The following TAFA1 variants were observed in gnomAD, a reference collection of about 807,000 sequenced individuals.
The protein encoded by TAFA1 is TAFA chemokine like family member 1.
In TAFA1, 4 loss-of-function variants were observed where a neutral mutation model predicts 18.5. The observed-to-expected ratio is 0.22, with a 90% CI of 0.11 to 0.49. The LOEUF (loss-of-function observed/expected upper bound fraction) is 0.49, where lower values mean the gene tolerates loss of function less well. Among genes scored for constraint, TAFA1 ranks in the 20% least tolerant of loss-of-function variants. TAFA1 has a pLI of 0.98. For synonymous variants in TAFA1, 56 were observed against 55.2 expected (o/e 1.01, Z -0.06); for missense variants, 147 against 169.0 (o/e 0.87, Z 0.72).
At chr3:68,441,321 A>G (rs968670215) in intron 3 of TAFA1, among the ~76,000 whole-genome samples, 2 of 152,136 alleles carry the variant, frequency 1.3e-5, no homozygotes, top group Admixed American at 6.6e-5. Context: ...TTGAGGTGTC[A>G]GTGGCAGATA....
chr3:68,271,330 G>A (rs1033359309), intron 2 of TAFA1, among the ~76,000 whole-genome samples: 2 of 151,958 alleles, frequency 1.3e-5, no homozygotes, highest in African/African-American at 2.4e-5. Flanking sequence ...CATTTCACAG[G>A]CCTGGCTTTG....
intron 3 of TAFA1, among the ~76,000 whole-genome samples, chr3:68,458,699 A>G (rs2071712770): frequency 6.6e-6 from 1 of 152,230 alleles, no homozygotes; most frequent in African/African-American, 2.4e-5. Flanking sequence ...TGTCTTATGT[A>G]CAAACATTCC....
At chr3:68,368,923 G>C (rs922857442) in intron 2 of TAFA1, among the ~76,000 whole-genome samples, 1 of 152,140 alleles carries the variant, frequency 6.6e-6, no homozygotes. Context: ...TTGATAGTAG[G>C]TTCTGGACTA....
chr3:68,383,788 G>C (rs993013125), intron 2 of TAFA1, among the ~76,000 whole-genome samples: 2 of 152,048 alleles, frequency 1.3e-5, no homozygotes, highest in African/African-American at 2.4e-5. Context: ...GTAGTATTCA[G>C]CTGTGAAACC....
rs149154938 is a variant in TAFA1, at chr3:68,434,673, A to G, written c.259+17253A>G. On this transcript the variant is annotated intron_variant, in intron 3 of 4. Coordinates refer to ENST00000478136, the MANE Select transcript of TAFA1 (RefSeq NM_213609.4). The stretch of plus-strand genomic sequence containing the variant: ...TTGTGACCAAAGGTAGAATTACTCA[A>G]TATACTACATGATTATTCTGATGGG... Among the ~76,000 whole-genome samples the G allele has an allele frequency of 1.2e-4, 19 of 152,268 alleles. No homozygotes were observed. In the East Asian group the frequency reaches 3.5e-3, roughly 28 times the overall value.
intron 2 of TAFA1, among the ~76,000 whole-genome samples, chr3:68,131,051 C>G (rs1443059084): frequency 6.6e-6 from 1 of 152,278 alleles, no homozygotes; most frequent in Admixed American, 6.5e-5. Context: ...CTGGATAATG[C>G]ATGGCATATA....
chr3:68,276,587 A>G (rs2067802729), intron 2 of TAFA1, among the ~76,000 whole-genome samples: 1 of 152,210 alleles, frequency 6.6e-6, no homozygotes, highest in South Asian at 2.1e-4. Flanking sequence ...ATGCATTCTT[A>G]GCAGAAAACA....
chr3:68,084,010 G>A (rs2064939848), intron 2 of TAFA1, among the ~76,000 whole-genome samples: 1 of 152,062 alleles, frequency 6.6e-6, no homozygotes, highest in South Asian at 2.1e-4. Flanking sequence ...AATCTTAATG[G>A]CTCAGCTCAT....
chr3:68,254,794 T>C (rs2067266751), intron 2 of TAFA1, among the ~76,000 whole-genome samples: 1 of 152,124 alleles, frequency 6.6e-6, no homozygotes, highest in Non-Finnish European at 1.5e-5. Context: ...AGGGCCATTG[T>C]ATTATATAGG....
At chr3:68,432,444 A>G (rs1053901505) in intron 3 of TAFA1, among the ~76,000 whole-genome samples, 1 of 152,076 alleles carries the variant, frequency 6.6e-6, no homozygotes, top group Non-Finnish European at 1.5e-5. Context: ...TATTAAATTT[A>G]TATTTTCATT....
chr3:68,494,307 G>A (rs2072504607), intron 3 of TAFA1, among the ~76,000 whole-genome samples: 1 of 152,142 alleles, frequency 6.6e-6, no homozygotes, highest in African/African-American at 2.4e-5. Flanking sequence ...AAACCTTGGT[G>A]ATCAGGATCT....
chr3:68,029,758 A>T (rs943001546), intron 2 of TAFA1, among the ~76,000 whole-genome samples: 2 of 152,222 alleles, frequency 1.3e-5, no homozygotes, highest in African/African-American at 4.8e-5. Context: ...ATTTATTCTG[A>T]AAGTATTTTG....
chr3:68,491,732 A>C (rs539640503), intron 3 of TAFA1, among the ~76,000 whole-genome samples: 1 of 152,238 alleles, frequency 6.6e-6, no homozygotes, highest in South Asian at 2.1e-4. Flanking sequence ...GGATCCTGAA[A>C]CCAAATTGTC....
chr3:68,260,279 G>T (rs1444936219), intron 2 of TAFA1, among the ~76,000 whole-genome samples: 1 of 152,084 alleles, frequency 6.6e-6, no homozygotes, highest in Non-Finnish European at 1.5e-5. Context: ...TGCATCCCAG[G>T]GATGAAGCCC....
At chr3:68,325,134 T>C (rs1232897440) in intron 2 of TAFA1, among the ~76,000 whole-genome samples, 7 of 152,190 alleles carry the variant, frequency 4.6e-5, no homozygotes, top group Admixed American at 2.0e-4. Flanking sequence ...TTGGAAATCA[T>C]TGCAATAGAA....
chr3:68,178,294 A>T (rs1036337567), intron 2 of TAFA1, among the ~76,000 whole-genome samples: 2 of 152,254 alleles, frequency 1.3e-5, no homozygotes, highest in African/African-American at 4.8e-5. Flanking sequence ...CATACTTATC[A>T]GTTGCTTCCA....
intron 2 of TAFA1, among the ~76,000 whole-genome samples, chr3:68,034,213 G>A (rs1438428352): frequency 1.3e-5 from 2 of 152,206 alleles, no homozygotes; most frequent in Non-Finnish European, 2.9e-5. Context: ...CATGAAAGGA[G>A]ACTGAGAGTC....
At chr3:68,473,289 T>C (rs1043172845) in intron 3 of TAFA1, among the ~76,000 whole-genome samples, 1 of 152,162 alleles carries the variant, frequency 6.6e-6, no homozygotes, top group African/African-American at 2.4e-5. Context: ...GGATATACAG[T>C]GGTAAGCTTC....
chr3:68,194,760 A>G (rs2066391250), intron 2 of TAFA1, among the ~76,000 whole-genome samples: 1 of 151,838 alleles, frequency 6.6e-6, no homozygotes, highest in African/African-American at 2.4e-5. Flanking sequence ...ACTTCAAAGT[A>G]TGAAGTCTTA....
Sources: allele counts gnomAD v4.1 joint callset (sites outside exome capture counted in the v4.1 genomes callset), GRCh38; gene constraint gnomAD v4.1.1; transcripts MANE v1.5; gene names NCBI Gene and HGNC (gene_info 2026-07-23, HGNC 2026-07-21).